PCDH7: variants seen among roughly 807,000 people sequenced by gnomAD.
PCDH7 encodes the protein protocadherin 7.
Under a neutral mutation model 58.9 loss-of-function variants are expected in PCDH7, and 17 were observed. The ratio of observed to expected loss-of-function variants is 0.29; its 90% CI spans 0.20 to 0.43. PCDH7 has a LOEUF of 0.43. PCDH7 is among the 20% of genes least tolerant of loss of function. PCDH7 has a pLI of 1.00. For missense variants in PCDH7, 1,274 were observed against 1,441.0 expected (o/e 0.88, Z 1.88); for synonymous variants, 664 against 616.4 (o/e 1.08, Z -1.14).
At chr4:30,804,807 G>A (rs150717068) in intron 1 of PCDH7, among the ~76,000 whole-genome samples, 1 of 152,068 alleles carries the variant, frequency 6.6e-6, no homozygotes, top group Non-Finnish European at 1.5e-5. Flanking sequence ...CTAAAATAAG[G>A]TCTCTGACTT....
rs775478303 is a variant in PCDH7, at chr4:30,723,309, G to C, written c.1887G>C (p.Val629=). The change falls in exon 1 of 2, where the codon GTG becomes GTC. Residue 629 remains valine, a synonymous_variant. Transcript: ENST00000361762. The surrounding 1 kb of genome is among the most constrained non-coding windows in gnomAD (Gnocchi z 4.6). ...GCAGCACTACGGTGATTGTGCAGGT[G>C]GCTGATAAAAATGACAATGACCCTA... The C allele has an allele frequency of 1.9e-6, 3 of 1,614,210 alleles. No homozygotes were observed. Among genetic ancestry groups the C allele is most frequent in the Admixed American group, 3.3e-5 (2 of 60,030 alleles).
chr4:31,146,382 TA>T (rs1553862558), downstream of PCDH7: 1 of 138,414 alleles, frequency 7.2e-6, no homozygotes, highest in African/African-American at 2.8e-5. Flanking sequence ...AATAAATAAA[TA>T]ATAAAAAGTG....
intron 1 of PCDH7, among the ~76,000 whole-genome samples, chr4:30,780,075 CTT>C (rs1722588955): frequency 6.6e-6 from 1 of 152,176 alleles, no homozygotes; most frequent in African/African-American, 2.4e-5. Flanking sequence ...TGAATTAACT[CTT>C]AACTTTGGCC....
At chr4:31,014,037 C>T (rs564755326) in intron 3 of PCDH7, among the ~76,000 whole-genome samples, 15 of 151,988 alleles carry the variant, frequency 9.9e-5, no homozygotes, top group Admixed American at 9.2e-4. Flanking sequence ...ATAAAATAGA[C>T]AAATAATTAT....
At chr4:31,009,902 A>G (rs1201017976) in intron 3 of PCDH7, among the ~76,000 whole-genome samples, 1 of 151,952 alleles carries the variant, frequency 6.6e-6, no homozygotes, top group African/African-American at 2.4e-5. Context: ...AGGAGGTAAA[A>G]CTTTTTATTG....
intron 1 of PCDH7, among the ~76,000 whole-genome samples, chr4:30,898,071 GAT>G (rs1377339043): frequency 6.6e-6 from 1 of 152,114 alleles, no homozygotes; most frequent in Non-Finnish European, 1.5e-5. Context: ...TTTGCAGTAA[GAT>G]AAATTATACA....
chr4:30,788,673 GA>G (rs2109296488), intron 1 of PCDH7, among the ~76,000 whole-genome samples: 1 of 152,194 alleles, frequency 6.6e-6, no homozygotes, highest in South Asian at 2.1e-4. Flanking sequence ...CGAATGGAGA[GA>G]AAAGAGTTTA....
At chr4:31,073,055 T>C (rs1316852842) in intron 3 of PCDH7, among the ~76,000 whole-genome samples, 1 of 152,108 alleles carries the variant, frequency 6.6e-6, no homozygotes, top group Non-Finnish European at 1.5e-5. Flanking sequence ...GTGGCCTAGA[T>C]CCTGAAGAGT....
intron 3 of PCDH7, among the ~76,000 whole-genome samples, chr4:31,122,890 A>G (rs950328263): frequency 6.6e-5 from 10 of 152,144 alleles, no homozygotes; most frequent in Non-Finnish European, 1.5e-4. Context: ...TTATTATTAT[A>G]TATCTGCAAG....
At chr4:31,137,270 G>A (rs755464078) in intron 3 of PCDH7, among the ~76,000 whole-genome samples, 14 of 152,182 alleles carry the variant, frequency 9.2e-5, no homozygotes, top group Non-Finnish European at 1.8e-4. Context: ...GTGTTGTTTT[G>A]TTATTTTGTC....
chr4:30,996,795 A>G (rs1751937945), intron 3 of PCDH7, among the ~76,000 whole-genome samples: 2 of 152,206 alleles, frequency 1.3e-5, no homozygotes, highest in Non-Finnish European at 2.9e-5. Flanking sequence ...GAATTTGGCC[A>G]TTGAGTTTTT....
intron 1 of PCDH7, among the ~76,000 whole-genome samples, chr4:30,739,792 A>C (rs1276694852): frequency 6.6e-6 from 1 of 152,214 alleles, no homozygotes; most frequent in Admixed American, 6.5e-5. Context: ...AATCACTACT[A>C]TATGCCAATT....
intron 2 of PCDH7, among the ~76,000 whole-genome samples, chr4:30,921,920 T>A (rs1245220182): frequency 6.6e-6 from 1 of 152,000 alleles, no homozygotes; most frequent in Non-Finnish European, 1.5e-5. Flanking sequence ...AAAAGGACTT[T>A]GTACCCCTGG....
intron 1 of PCDH7, among the ~76,000 whole-genome samples, chr4:30,878,151 G>A (rs116482504): frequency 0.019 from 2,825 of 152,188 alleles, 44 homozygotes; most frequent in South Asian, 0.039. Context: ...CATTAATAGG[G>A]CACCATGCTG....
intron 3 of PCDH7, among the ~76,000 whole-genome samples, chr4:31,134,839 G>A (rs1203912896): frequency 1.3e-5 from 2 of 152,238 alleles, no homozygotes; most frequent in East Asian, 3.9e-4. Context: ...TTTCTCTCAG[G>A]ATGGTGATCC....
intron 1 of PCDH7, among the ~76,000 whole-genome samples, chr4:30,835,526 C>T (rs556408014): frequency 6.6e-6 from 1 of 152,080 alleles, no homozygotes; most frequent in African/African-American, 2.4e-5. Flanking sequence ...GAAACCGGGT[C>T]CCTGATGCCA....
At chr4:30,931,882 G>T in intron 2 of PCDH7, among the ~76,000 whole-genome samples, 2 of 147,120 alleles carry the variant, frequency 1.4e-5, no homozygotes, top group African/African-American at 2.5e-5. Flanking sequence ...ACATTTCTGT[G>T]TAATAGCTTT....
intron 2 of PCDH7, among the ~76,000 whole-genome samples, chr4:30,920,978 A>C (rs1262205577): frequency 1.3e-5 from 2 of 152,160 alleles, no homozygotes; most frequent in African/African-American, 4.8e-5. Context: ...AAGGAAAATA[A>C]ATCATAATAC....
intron 1 of PCDH7, among the ~76,000 whole-genome samples, chr4:30,880,487 G>A (rs375414011): frequency 4.9e-4 from 74 of 152,204 alleles, no homozygotes; most frequent in African/African-American, 1.7e-3. Context: ...ATCAGTATTA[G>A]CACAGCTCAA....
Sources: gnomAD v4.1 joint callset for allele counts (sites outside exome capture counted in the v4.1 genomes callset) on GRCh38, gnomAD v4.1.1 for gene constraint, Gnocchi (gnomAD v3.1) non-coding constraint, MANE v1.5 for transcripts, NCBI Gene and HGNC (gene_info 2026-07-23, HGNC 2026-07-21) for gene names.